GRXCR1: variants seen among roughly 807,000 people sequenced by gnomAD.
The protein encoded by GRXCR1 is glutaredoxin domain-containing cysteine-rich protein 1.
GRXCR1 carries 27 observed loss-of-function variants against 27.3 expected under a neutral mutation model. The ratio of observed to expected loss-of-function variants is 0.99; its 90% CI spans 0.73 to 1.37. GRXCR1 has a LOEUF of 1.37. Ranked by LOEUF, GRXCR1 falls within the 40% of genes most tolerant of loss-of-function variation. The probability of loss-of-function intolerance (pLI) is 0.00; values close to 1 mark genes in which losing one functional copy is unlikely to be tolerated. For missense variants in GRXCR1, 379 were observed against 354.4 expected (o/e 1.07, Z -0.56); for synonymous variants, 122 against 131.1 (o/e 0.93, Z 0.47).
intron 1 of GRXCR1, among the ~76,000 whole-genome samples, chr4:42,949,166 CA>C (rs1747819004): frequency 6.6e-6 from 1 of 151,300 alleles, no homozygotes; most frequent in African/African-American, 2.4e-5. Flanking sequence ...CCCTCCTGGC[CA>C]ATATGTTGAA....
intron 1 of GRXCR1, among the ~76,000 whole-genome samples, chr4:42,908,853 T>A (rs990904815): frequency 5.9e-5 from 9 of 152,172 alleles, no homozygotes; most frequent in African/African-American, 1.9e-4. Context: ...CCAGGGATTC[T>A]GAGTAGCCAG....
intron 1 of GRXCR1, among the ~76,000 whole-genome samples, chr4:42,938,793 G>A (rs1747523043): frequency 6.6e-6 from 1 of 151,552 alleles, no homozygotes; most frequent in South Asian, 2.1e-4. Flanking sequence ...CCACACATTT[G>A]CTGAAAATGA....
At position 42,893,110 on chromosome 4, in the gene GRXCR1, C is replaced by T. The variant is rs1746269315; in HGVS notation, c.-157C>T. On this transcript the variant is annotated 5_prime_UTR_variant, in exon 1 of 4. Coordinates refer to ENST00000399770, the MANE Select transcript of GRXCR1 (RefSeq NM_001080476.3). ...ATTTATTATTAATAGCAGAGACACA[C>T]TGTAAGTCCTTGGGAATCTTCTTTC... Among the ~76,000 whole-genome samples, 1 of 152,128 alleles carries T rather than the reference C, an allele frequency of 6.6e-6. No homozygotes were observed. The highest frequency in any genetic ancestry group is 1.5e-5 in the Non-Finnish European group (1 of 68,008).
intron 1 of GRXCR1, among the ~76,000 whole-genome samples, chr4:42,928,389 T>G (rs1414716250): frequency 6.6e-6 from 1 of 151,726 alleles, no homozygotes; most frequent in Non-Finnish European, 1.5e-5. Context: ...TGGTTCCTTA[T>G]GTCTCTCCAT....
At chr4:42,978,269 C>T (rs1655403922) in intron 2 of GRXCR1, among the ~76,000 whole-genome samples, 2 of 151,872 alleles carry the variant, frequency 1.3e-5, no homozygotes, top group South Asian at 4.1e-4. Flanking sequence ...TCTTTTTGCT[C>T]AAGATTTATT....
intron 1 of GRXCR1, among the ~76,000 whole-genome samples, chr4:42,927,701 TC>T (rs1747194098): frequency 6.6e-6 from 1 of 151,830 alleles, no homozygotes; most frequent in African/African-American, 2.4e-5. Context: ...TCTGCTAAGA[TC>T]TTTTGGAAAC....
chr4:43,024,314 TAGTATGTCAAAAATGGCAC>T (rs1173019928), intron 3 of GRXCR1, among the ~76,000 whole-genome samples: 1 of 150,654 alleles, frequency 6.6e-6, no homozygotes, highest in Non-Finnish European at 1.5e-5. Context: ...GCTACACACT[TAGTATGTCAAAAATGGCAC>T]AGACTGTCTG....
chr4:42,963,095 T>C lies in GRXCR1; in HGVS notation c.588T>C (p.Pro196=). 6.2e-7 allele frequency: 1 copy of C among 1,612,762 alleles called. No individual in the cohort carries two copies. Residue 196 remains proline (P), a synonymous_variant, in exon 2 of 4, where the codon CCT becomes CCC. Coordinates refer to ENST00000399770, the MANE Select transcript of GRXCR1 (RefSeq NM_001080476.3). The stretch of plus-strand genomic sequence containing the variant: ...GATGCCGACGAGTTTCTGAAGCTCC[T>C]TCCCTCCCTGTTGTGTTCATTGATG... ...DERCRRVSEA[P]SLPVVFIDGH...
chr4:43,018,618 T>C (rs1227651141), intron 2 of GRXCR1, among the ~76,000 whole-genome samples: 1 of 152,176 alleles, frequency 6.6e-6, no homozygotes, highest in African/African-American at 2.4e-5. Context: ...AGATGTGTGA[T>C]AGCTTTTCTG....
At chr4:42,970,792 A>G (rs890521770) in intron 2 of GRXCR1, among the ~76,000 whole-genome samples, 6 of 152,108 alleles carry the variant, frequency 3.9e-5, no homozygotes, top group Non-Finnish European at 8.8e-5. Flanking sequence ...CTTTTTACGT[A>G]TGCAAATTTC....
intron 1 of GRXCR1, among the ~76,000 whole-genome samples, chr4:42,902,665 A>G (rs779125306): frequency 6.6e-6 from 1 of 152,136 alleles, no homozygotes; most frequent in Non-Finnish European, 1.5e-5. Flanking sequence ...GGGGAACAAC[A>G]CACACTGGGG....
At chr4:42,978,825 C>T (rs1421828961) in intron 2 of GRXCR1, among the ~76,000 whole-genome samples, 1 of 150,968 alleles carries the variant, frequency 6.6e-6, no homozygotes, top group Non-Finnish European at 1.5e-5. Context: ...CCCTATAATC[C>T]CCCTGGTCAA....
intron 2 of GRXCR1, among the ~76,000 whole-genome samples, chr4:42,970,187 G>T: frequency 6.6e-6 from 1 of 152,168 alleles, no homozygotes; most frequent in South Asian, 2.1e-4. Context: ...AGTCCCAGAA[G>T]CTGCTTTCAT....
At chr4:42,969,766 C>T (rs1220845002) in intron 2 of GRXCR1, among the ~76,000 whole-genome samples, 1 of 152,060 alleles carries the variant, frequency 6.6e-6, no homozygotes, top group Non-Finnish European at 1.5e-5. Flanking sequence ...CATTACATCC[C>T]TGGACTCTCC....
intron 2 of GRXCR1, among the ~76,000 whole-genome samples, chr4:42,990,831 A>G (rs1711948934): frequency 6.6e-6 from 1 of 152,042 alleles, no homozygotes; most frequent in Non-Finnish European, 1.5e-5. Flanking sequence ...TCCTTTTTAC[A>G]TATATATATG....
At chr4:42,998,308 C>G (rs1405562796) in intron 2 of GRXCR1, among the ~76,000 whole-genome samples, 2 of 152,194 alleles carry the variant, frequency 1.3e-5, no homozygotes, top group Non-Finnish European at 2.9e-5. Flanking sequence ...TGACCCCTTT[C>G]TTAATAAAGA....
chr4:42,906,458 C>T (rs1410253837), intron 1 of GRXCR1, among the ~76,000 whole-genome samples: 1 of 152,094 alleles, frequency 6.6e-6, no homozygotes, highest in Admixed American at 6.5e-5. Context: ...CAGTCATTCC[C>T]ACAGCTCTTT....
chr4:43,001,356 G>C (rs1712351568), intron 2 of GRXCR1, among the ~76,000 whole-genome samples: 2 of 152,066 alleles, frequency 1.3e-5, no homozygotes, highest in Non-Finnish European at 2.9e-5. Context: ...AGATAATTGG[G>C]CGTAGGGCTT....
intron 3 of GRXCR1, among the ~76,000 whole-genome samples, chr4:43,026,922 T>C (rs986632667): frequency 2.0e-5 from 3 of 152,210 alleles, no homozygotes; most frequent in African/African-American, 7.2e-5. Context: ...CCCGAGAATC[T>C]TTCCAGCACT....
Sources: gnomAD v4.1 joint callset for allele counts (sites outside exome capture counted in the v4.1 genomes callset) on GRCh38, gnomAD v4.1.1 for gene constraint, MANE v1.5 for transcripts, NCBI Gene and HGNC (gene_info 2026-07-23, HGNC 2026-07-21) for gene names.